MDFIC2: variants seen among roughly 807,000 people sequenced by gnomAD.
MDFIC2 encodes the protein myoD family inhibitor domain-containing protein 2.
At chr3:70,261,375 A>G (rs1375346995) in intron 2 of MDFIC2, among the ~76,000 whole-genome samples, 2 of 152,224 alleles carry the variant, frequency 1.3e-5, no homozygotes, top group African/African-American at 4.8e-5. Flanking sequence ...GTGAACATGC[A>G]TATGTTTAAT....
chr3:70,281,906 T>C (rs1308065614), intron 2 of MDFIC2, among the ~76,000 whole-genome samples: 2 of 152,196 alleles, frequency 1.3e-5, no homozygotes, highest in Non-Finnish European at 2.9e-5. Context: ...TCTTCAGTTT[T>C]AAAAAGCATC....
intron 2 of MDFIC2, among the ~76,000 whole-genome samples, chr3:70,298,370 T>C (rs769142957): frequency 2.0e-5 from 3 of 152,140 alleles, no homozygotes. Flanking sequence ...GCCATGTTTT[T>C]GTTTAGTTAG....
intron 2 of MDFIC2, among the ~76,000 whole-genome samples, chr3:70,236,039 T>C (rs188237721): frequency 3.9e-5 from 6 of 152,312 alleles, no homozygotes; most frequent in Non-Finnish European, 7.4e-5. Flanking sequence ...AAATGCATCA[T>C]TCTACTTCTC....
At chr3:70,283,307 C>T (rs770183820) in intron 2 of MDFIC2, among the ~76,000 whole-genome samples, 8 of 152,004 alleles carry the variant, frequency 5.3e-5, no homozygotes, top group Non-Finnish European at 1.2e-4. Context: ...TTTCAATGCA[C>T]TGTGCCTGGC....
chr3:70,300,907 T>C (rs1702342161), intron 2 of MDFIC2, among the ~76,000 whole-genome samples: 1 of 152,024 alleles, frequency 6.6e-6, no homozygotes, highest in Non-Finnish European at 1.5e-5. Context: ...TATGTTGCTG[T>C]TTTTAAAAAA....
intron 2 of MDFIC2, among the ~76,000 whole-genome samples, chr3:70,268,466 C>G (rs13314577): frequency 2.6e-5 from 3 of 114,060 alleles, no homozygotes; most frequent in Non-Finnish European, 5.3e-5. Flanking sequence ...CAGAGCGAGA[C>G]TCCGTCTCAA....
At chr3:70,273,589 T>A (rs1198208027) in intron 2 of MDFIC2, among the ~76,000 whole-genome samples, 1 of 151,742 alleles carries the variant, frequency 6.6e-6, no homozygotes, top group African/African-American at 2.4e-5. Context: ...AAAAAAGAAA[T>A]GCAGGTCTTG....
chr3:70,229,537 A>G (rs1274628707), intron 2 of MDFIC2, among the ~76,000 whole-genome samples: 4 of 152,222 alleles, frequency 2.6e-5, no homozygotes, highest in African/African-American at 9.6e-5. Flanking sequence ...GGACATAAAA[A>G]TAGTTCTGGC....
chr3:70,199,620 G>T (rs1010990975), intron 3 of MDFIC2, among the ~76,000 whole-genome samples: 4 of 152,120 alleles, frequency 2.6e-5, no homozygotes, highest in African/African-American at 9.7e-5. Flanking sequence ...ATGTTAAATA[G>T]TTCTACATGA....
chr3:70,199,128 C>T (rs970700464), intron 3 of MDFIC2, among the ~76,000 whole-genome samples: 5 of 152,166 alleles, frequency 3.3e-5, no homozygotes, highest in Non-Finnish European at 7.3e-5. Context: ...AATGAGTCCA[C>T]TGGATCCTGT....
intron 2 of MDFIC2, among the ~76,000 whole-genome samples, chr3:70,215,099 A>G (rs1415697930): frequency 1.3e-5 from 2 of 152,118 alleles, no homozygotes; most frequent in Admixed American, 6.6e-5. Flanking sequence ...AACCATCACA[A>G]TTTATTCATC....
intron 2 of MDFIC2, among the ~76,000 whole-genome samples, chr3:70,235,222 G>A (rs890600147): frequency 6.6e-6 from 1 of 152,052 alleles, no homozygotes; most frequent in Non-Finnish European, 1.5e-5. Context: ...ATCAACCGTC[G>A]TTCTCTTTCC....
chr3:70,254,472 C>A (rs1701796626), intron 2 of MDFIC2, among the ~76,000 whole-genome samples: 1 of 152,056 alleles, frequency 6.6e-6, no homozygotes, highest in South Asian at 2.1e-4. Context: ...GAAAAATAGA[C>A]CTTCTTTTGG....
chr3:70,267,569 AT>A (rs147286000), intron 2 of MDFIC2, among the ~76,000 whole-genome samples: 616 of 30,754 alleles, frequency 0.02, 23 homozygotes, highest in Middle Eastern at 0.11. Context: ...TGCCCGGCTA[AT>A]TTTTTGTATT....
intron 2 of MDFIC2, among the ~76,000 whole-genome samples, chr3:70,302,015 G>A (rs1367380290): frequency 2.6e-5 from 4 of 152,072 alleles, no homozygotes; most frequent in Non-Finnish European, 1.5e-5. Context: ...CCATATTGGT[G>A]TGGAAATTTA....
chr3:70,213,498 A>C (rs1022486097), intron 2 of MDFIC2, among the ~76,000 whole-genome samples: 1 of 152,260 alleles, frequency 6.6e-6, no homozygotes, highest in South Asian at 2.1e-4. Context: ...ACTATACTCC[A>C]GCTTAGAATT....
chr3:70,209,089 T>C (rs891536672), intron 2 of MDFIC2, among the ~76,000 whole-genome samples: 5 of 152,212 alleles, frequency 3.3e-5, no homozygotes, highest in Admixed American at 1.3e-4. Context: ...TCATAATTAG[T>C]TTATTTTTCT....
At chr3:70,267,585 T>G (rs796786207) in intron 2 of MDFIC2, among the ~76,000 whole-genome samples, 76 of 146,856 alleles carry the variant, frequency 5.2e-4, no homozygotes, top group African/African-American at 1.8e-3. Flanking sequence ...TGTATTTTTT[T>G]TTTTTTTTTT....
At chr3:70,224,456 T>A (rs1222089722) in intron 2 of MDFIC2, among the ~76,000 whole-genome samples, 1 of 152,216 alleles carries the variant, frequency 6.6e-6, no homozygotes, top group African/African-American at 2.4e-5. Flanking sequence ...GGCCCTTTTT[T>A]AAAGAAAAGC....
Sources: allele counts gnomAD v4.1 joint callset (sites outside exome capture counted in the v4.1 genomes callset), GRCh38; gene constraint gnomAD v4.1.1; transcripts MANE v1.5; gene names NCBI Gene and HGNC (gene_info 2026-07-23, HGNC 2026-07-21).